Variants in TRIM44 observed in about 807,000 individuals in gnomAD.
TRIM44 encodes tripartite motif containing 44, also known as tripartite motif-containing protein 44.
Under a neutral mutation model 37.4 loss-of-function variants are expected in TRIM44, and 13 were observed. The observed-to-expected ratio is 0.35, with a 90% CI of 0.23 to 0.55. TRIM44 has a LOEUF of 0.55. Ranked by LOEUF, TRIM44 falls within the 20% of genes least tolerant of loss-of-function variation. TRIM44 has a pLI of 0.89. For synonymous variants in TRIM44, 175 were observed against 157.2 expected (o/e 1.11, Z -0.85); for missense variants, 426 against 437.2 (o/e 0.97, Z 0.23).
Position 35,685,750 on chromosome 11 carries a change from G to A in TRIM44, c.747+414G>A, listed in dbSNP as rs374964144. ...GCAATCTTGGCTCACTACAGCCTCC[G>A]CCTGCCGGGTCCAAGCCATTCTCCT... On this transcript the variant is annotated intron_variant, in intron 2 of 4. Transcript: ENST00000299413. 1.8e-3 allele frequency among the ~76,000 whole-genome samples: 276 copies of A among 152,038 alleles called. 1 individual carries two copies. Among genetic ancestry groups the A allele is most frequent in the Middle Eastern group, 6.8e-3 (2 of 292 alleles).
At chr11:35,761,649 A>G (rs1406957897) in intron 4 of TRIM44, among the ~76,000 whole-genome samples, 1 of 152,198 alleles carries the variant, frequency 6.6e-6, no homozygotes, top group Non-Finnish European at 1.5e-5. Flanking sequence ...AATGAGGAAA[A>G]TTAAACATTC....
chr11:35,765,966 C>T (rs1459559567), intron 4 of TRIM44, among the ~76,000 whole-genome samples: 1 of 152,200 alleles, frequency 6.6e-6, no homozygotes, highest in Non-Finnish European at 1.5e-5. Context: ...GGATATGGTA[C>T]ATTTCATAAG....
chr11:35,746,446 C>CTTTTTTTTTT (rs5791065), intron 4 of TRIM44, among the ~76,000 whole-genome samples: 8 of 93,190 alleles, frequency 8.6e-5, no homozygotes, highest in South Asian at 8.9e-4. Context: ...GGGGGTCCTT[C>CTTTTTTTTTT]TTTTTTTTTT....
At chr11:35,716,886 C>G (rs567185807) in intron 2 of TRIM44, among the ~76,000 whole-genome samples, 7 of 152,256 alleles carry the variant, frequency 4.6e-5, no homozygotes, top group African/African-American at 1.7e-4. Flanking sequence ...TCTTCAATTT[C>G]TTCATCTGTA....
intron 4 of TRIM44, among the ~76,000 whole-genome samples, chr11:35,764,758 A>G (rs1372461541): frequency 6.6e-6 from 1 of 152,154 alleles, no homozygotes; most frequent in Non-Finnish European, 1.5e-5. Context: ...ATCAACCAGT[A>G]TATGCTTGAC....
intron 4 of TRIM44, among the ~76,000 whole-genome samples, chr11:35,738,208 C>T (rs1852349413): frequency 6.6e-6 from 1 of 152,196 alleles, no homozygotes; most frequent in African/African-American, 2.4e-5. Flanking sequence ...TCTTTATAGC[C>T]ACATGCCAGA....
chr11:35,736,815 T>C (rs1852331253), intron 4 of TRIM44, among the ~76,000 whole-genome samples: 1 of 152,176 alleles, frequency 6.6e-6, no homozygotes, highest in Admixed American at 6.5e-5. Context: ...AGGAACAGGC[T>C]CCTTCTTTGT....
chr11:35,728,128 C>T (rs1265242843), intron 3 of TRIM44, among the ~76,000 whole-genome samples: 1 of 152,188 alleles, frequency 6.6e-6, no homozygotes, highest in Non-Finnish European at 1.5e-5. Flanking sequence ...GAGTTTAAGC[C>T]TGCCCTGGCC....
intron 4 of TRIM44, among the ~76,000 whole-genome samples, chr11:35,758,326 G>C (rs1371224196): frequency 2.0e-5 from 3 of 152,100 alleles, no homozygotes; most frequent in East Asian, 1.9e-4. Context: ...TGCAACCCCT[G>C]CCTTTTTTTG....
At chr11:35,732,772 A>C (rs889349340) in intron 3 of TRIM44, among the ~76,000 whole-genome samples, 22 of 152,224 alleles carry the variant, frequency 1.4e-4, no homozygotes, top group African/African-American at 5.3e-4. Context: ...TGTGCATTTC[A>C]GGTAGCAGGA....
intron 1 of TRIM44, among the ~76,000 whole-genome samples, chr11:35,683,389 T>C (rs1248332582): frequency 6.6e-6 from 1 of 152,222 alleles, no homozygotes; most frequent in South Asian, 2.1e-4. Flanking sequence ...ATTTTTACTG[T>C]GTAGACTTGA....
chr11:35,781,714 A>G (rs1853067746), intron 4 of TRIM44, among the ~76,000 whole-genome samples: 1 of 152,254 alleles, frequency 6.6e-6, no homozygotes, highest in Non-Finnish European at 1.5e-5. Flanking sequence ...TTTTGTGTAG[A>G]TAAGAATAGA....
At position 35,749,020 on chromosome 11, in the gene TRIM44, C is replaced by T. The variant is rs191753643; in HGVS notation, c.1007+13575C>T. Among the ~76,000 whole-genome samples the T allele has an allele frequency of 4.7e-4, 72 of 152,058 alleles. 1 individual carries two copies. The highest frequency in any genetic ancestry group is 3.2e-3 in the Admixed American group (49 of 15,278). On this transcript the variant is annotated intron_variant, in intron 4 of 4. Transcript: ENST00000299413. ...TATACAGCAAGACTTCCCTGTATTCCTTGGTGTGTGTATGTGTATGTTAGA... is the reference window on the plus strand; with the variant it reads ...TATACAGCAAGACTTCCCTGTATTCTTTGGTGTGTGTATGTGTATGTTAGA...
At chr11:35,696,182 C>T (rs1321690718) in intron 2 of TRIM44, among the ~76,000 whole-genome samples, 4 of 143,996 alleles carry the variant, frequency 2.8e-5, no homozygotes, top group South Asian at 2.2e-4. Flanking sequence ...GATGCTCTGT[C>T]GCCCAGTCTG....
chr11:35,768,488 G>A (rs1452179580), intron 4 of TRIM44, among the ~76,000 whole-genome samples: 1 of 152,096 alleles, frequency 6.6e-6, no homozygotes, highest in African/African-American at 2.4e-5. Context: ...AGATCTCATA[G>A]CCCACTTGCT....
intron 2 of TRIM44, among the ~76,000 whole-genome samples, chr11:35,687,053 A>G (rs1851590264): frequency 6.6e-6 from 1 of 152,238 alleles, no homozygotes; most frequent in South Asian, 2.1e-4. Context: ...AGAAAGGTAG[A>G]ATCATCTGCC....
At chr11:35,700,864 A>G (rs916268119) in intron 2 of TRIM44, among the ~76,000 whole-genome samples, 1 of 152,242 alleles carries the variant, frequency 6.6e-6, no homozygotes, top group Non-Finnish European at 1.5e-5. Flanking sequence ...TGGAACTACA[A>G]CATTACTGTT....
intron 4 of TRIM44, among the ~76,000 whole-genome samples, chr11:35,773,420 C>A (rs1351696222): frequency 6.6e-6 from 1 of 151,964 alleles, no homozygotes; most frequent in Non-Finnish European, 1.5e-5. Flanking sequence ...AATATTTTCT[C>A]CCACTTTGCA....
chr11:35,796,699 C>T (rs1252607156), intron 4 of TRIM44, among the ~76,000 whole-genome samples: 3 of 152,044 alleles, frequency 2.0e-5, no homozygotes, highest in Non-Finnish European at 4.4e-5. Flanking sequence ...TCCAGCAGCA[C>T]TGGGGGGAGG....
Sources: allele counts gnomAD v4.1 joint callset (sites outside exome capture counted in the v4.1 genomes callset), GRCh38; gene constraint gnomAD v4.1.1; transcripts MANE v1.5; gene names NCBI Gene and HGNC (gene_info 2026-07-23, HGNC 2026-07-21).